The following RPS6KB1 variants were observed in gnomAD, a reference collection of about 807,000 sequenced individuals.
RPS6KB1 encodes the protein ribosomal protein S6 kinase B1, also known as ribosomal protein S6 kinase beta-1.
Under a neutral mutation model 70.2 loss-of-function variants are expected in RPS6KB1, and 12 were observed. The ratio of observed to expected loss-of-function variants is 0.17; its 90% CI spans 0.11 to 0.28. The LOEUF is 0.28. Among genes scored for constraint, RPS6KB1 ranks in the 10% least tolerant of loss-of-function variants. The pLI is 1.00. For missense variants in RPS6KB1, 270 were observed against 646.6 expected, an observed-to-expected ratio of 0.42 and a Z score of 6.32; for synonymous variants, 175 against 211.2, an observed-to-expected ratio of 0.83 and a Z score of 1.49.
intron 13 of RPS6KB1, among the ~76,000 whole-genome samples, chr17:59,944,540 T>C (rs2044806293): frequency 6.6e-6 from 1 of 151,922 alleles, no homozygotes; most frequent in Non-Finnish European, 1.5e-5. Flanking sequence ...AGCTATGTTA[T>C]CACCACTGCA....
chr17:59,944,879 A>C (rs181334309), intron 13 of RPS6KB1, among the ~76,000 whole-genome samples: 1 of 150,082 alleles, frequency 6.7e-6, no homozygotes, highest in Admixed American at 6.7e-5. Flanking sequence ...GCTCACTGCA[A>C]CCTCCACCTA....
In RPS6KB1 at chr17:59,901,306, C is replaced by T. The variant is rs1477759376; in HGVS notation, c.141+7981C>T. Among the ~76,000 whole-genome samples, 7 of 151,430 alleles carry T rather than the reference C, an allele frequency of 4.6e-5. No homozygotes were observed. The South Asian group carries it at 1.0e-3, about 22-fold the overall frequency. ...CTGGGACTACAGGTGCCCGCCACCACGCCCGGCTAATGTTTTGTATTTTTA... is the reference window on the plus strand; with the variant it reads ...CTGGGACTACAGGTGCCCGCCACCATGCCCGGCTAATGTTTTGTATTTTTA... On this transcript the variant is annotated intron_variant, in intron 1 of 14. Transcript: ENST00000225577.
At position 59,950,438 on chromosome 17, in the gene RPS6KB1, TA is replaced by T. The variant is rs2045149819; in HGVS notation, c.*3651del. 2.6e-5 allele frequency: 4 copies of T among 152,728 alleles called. No individual in the cohort carries two copies. The highest frequency in any genetic ancestry group is 2.1e-4 in the South Asian group (1 of 4,830). The allele number at this position is 152,728 out of a possible 1,614,324, so 9.5% of individuals were successfully genotyped here. On this transcript the variant is annotated 3_prime_UTR_variant, in exon 15 of 15. Coordinates refer to ENST00000225577, the MANE Select transcript of RPS6KB1 (RefSeq NM_003161.4). ...TGAATGAACATAAATAGAAGTGATTTATTTTTTTATTATCTTAAAGATAGGA... is the reference window on the plus strand; with the variant it reads ...TGAATGAACATAAATAGAAGTGATTTTTTTTTTATTATCTTAAAGATAGGA...
intron 1 of RPS6KB1, among the ~76,000 whole-genome samples, chr17:59,897,186 T>C (rs539798621): frequency 6.6e-6 from 1 of 152,346 alleles, no homozygotes; most frequent in African/African-American, 2.4e-5. Context: ...GTTTATAATG[T>C]TCCTCTTTGT....
intron 4 of RPS6KB1, among the ~76,000 whole-genome samples, chr17:59,924,738 C>T (rs1254652769): frequency 6.6e-6 from 1 of 151,786 alleles, no homozygotes; most frequent in African/African-American, 2.4e-5. Flanking sequence ...CAAAAGATAG[C>T]ATAGTATCCA....
At chr17:59,931,785 C>A in intron 7 of RPS6KB1, 63 bp downstream of exon 7, 2 of 1,179,420 alleles carry the variant, frequency 1.7e-6, no homozygotes, top group African/African-American at 1.5e-5. Flanking sequence ...CCACATAGGT[C>A]GTGGCCATTT....
intron 4 of RPS6KB1, among the ~76,000 whole-genome samples, chr17:59,916,673 T>C (rs956442166): frequency 6.6e-6 from 1 of 152,208 alleles, no homozygotes; most frequent in Admixed American, 6.5e-5. Flanking sequence ...ACAACTGTTA[T>C]GACTGGACTC....
In RPS6KB1 at chr17:59,928,156, T is replaced by TCA. The variant is rs35314641; in HGVS notation, c.529+1591_529+1592dup. On this transcript the variant is annotated intron_variant, in intron 5 of 14. Coordinates refer to ENST00000225577, the MANE Select transcript of RPS6KB1 (RefSeq NM_003161.4). ...CTGGGCAACAGAGCAAGACTCAGTC[T>TCA]CACACACACACACACACAAAATAAA... is the stretch of plus-strand genomic sequence containing the variant. Among the ~76,000 whole-genome samples the TCA allele has an allele frequency of 4.3e-4, 64 of 150,358 alleles. No homozygotes were observed. In the East Asian group the frequency reaches 4.6e-3, roughly 11 times the overall value.
chr17:59,932,251 A>C (rs1252199231), intron 7 of RPS6KB1, among the ~76,000 whole-genome samples: 1 of 151,906 alleles, frequency 6.6e-6, no homozygotes, highest in African/African-American at 2.4e-5. Flanking sequence ...AAAATACAAA[A>C]AAAAAAAAAA....
chr17:59,946,827 GGA>G lies in RPS6KB1; in HGVS notation c.*43_*44del. On this transcript the variant is annotated 3_prime_UTR_variant, in exon 15 of 15. Transcript: ENST00000225577. The surrounding 1 kb of genome is among the most constrained non-coding windows in gnomAD (Gnocchi z 4.2). The stretch of plus-strand genomic sequence containing the variant: ...TTAATGAATTTAAGGCAAAAAAGGT[GGA>G]GAGGGAGATGTGTGAGCATCCTGCA... The G allele has an allele frequency of 6.2e-7, 1 of 1,608,706 alleles. No individual in the cohort carries two copies. The highest frequency in any genetic ancestry group is 8.5e-7 in the Non-Finnish European group (1 of 1,176,286).
chr17:59,945,234 A>G (rs1310271082), intron 13 of RPS6KB1, 172 bp from the exon 14 acceptor site: 5 of 482,114 alleles, frequency 1.0e-5, no homozygotes, highest in African/African-American at 7.9e-5. Flanking sequence ...GCCTCACGAA[A>G]TGGCTGGAAA....
rs544823917 is a variant in RPS6KB1 at position 59,909,005 on chromosome 17, C to T, written c.142-1557C>T. ...GCAATGGCGCGATCTCGGCTCACTG[C>T]CATCTCTGCCTTCCAGGTTCAAGTG... On this transcript the variant is annotated intron_variant, in intron 1 of 14. Transcript: ENST00000225577. 1.0e-4 allele frequency among the ~76,000 whole-genome samples: 15 copies of T among 149,450 alleles called. No homozygotes were observed. In the East Asian group the frequency reaches 3.0e-3, roughly 29 times the overall value.
chr17:59,900,778 AGTTTTTTGTT>A (rs1018890396), intron 1 of RPS6KB1, among the ~76,000 whole-genome samples: 11 of 152,102 alleles, frequency 7.2e-5, no homozygotes, highest in African/African-American at 2.4e-4. Flanking sequence ...TCTGCTGCCA[AGTTTTTTGTT>A]GTTTTTTGTT....
At chr17:59,899,793 G>C (rs1041423975) in intron 1 of RPS6KB1, among the ~76,000 whole-genome samples, 15 of 152,164 alleles carry the variant, frequency 9.9e-5, no homozygotes, top group African/African-American at 3.4e-4. Flanking sequence ...ATGTTATCGT[G>C]ATTTGGTCAC....
Position 59,893,896 on chromosome 17 carries a change from G to GGCT in RPS6KB1, c.141+572_141+574dup, listed in dbSNP as rs2041320201. On this transcript the variant is annotated intron_variant, in intron 1 of 14. Transcript: ENST00000225577. The surrounding 1 kb of genome is among the most constrained non-coding windows in gnomAD (Gnocchi z 4.1). Reference sequence around the variant, plus strand: ...AGGAGTTTTATTTCGGGAGCAAGGGGGCTCTGCTGCATCTTCCAATCTTCC... The same window carrying GGCT: ...AGGAGTTTTATTTCGGGAGCAAGGGGGCTGCTCTGCTGCATCTTCCAATCTTCC... 1 of 985,126 alleles carries GGCT rather than the reference G, an allele frequency of 1.0e-6. No homozygotes were observed. Among genetic ancestry groups the GGCT allele is most frequent in the Non-Finnish European group, 1.2e-6 (1 of 829,940 alleles). 61.0% of individuals were successfully genotyped at this position (985,126 alleles called of 1,614,324 possible).
At chr17:59,895,189 T>G (rs2041462309) in intron 1 of RPS6KB1, among the ~76,000 whole-genome samples, 1 of 150,404 alleles carries the variant, frequency 6.6e-6, no homozygotes, top group East Asian at 1.9e-4. Flanking sequence ...CCTGGCTAAT[T>G]TTTTGTATTT....
In RPS6KB1 at chr17:59,912,695, A is replaced by T; in HGVS notation, c.203A>T (p.His68Leu). The T allele has an allele frequency of 6.2e-7, 1 of 1,613,510 alleles. No homozygotes were observed. Among genetic ancestry groups the T allele is most frequent in the Non-Finnish European group, 8.5e-7 (1 of 1,179,642 alleles). The part of the protein sequence containing the change: ...GVGPYELGME[H>L]CEKFEISETS... ...GCTTTTCTTCCCAGTGGCATGGAAC[A>T]TTGTGAGAAATTTGAAATCTCAGAA... is the stretch of plus-strand genomic sequence containing the variant. The change falls in exon 3 of 15, where the codon CAT becomes CTT. Residue 68 changes from histidine (H) to leucine (L), a missense_variant. Physicochemically the swap from His to Leu is moderately conservative, Grantham distance 99. This residue lies in a region of RPS6KB1 where 72 missense variants were observed against 93.4 expected (regional missense o/e 0.77). Transcript: ENST00000225577.
intron 1 of RPS6KB1, among the ~76,000 whole-genome samples, chr17:59,909,315 T>C (rs1337427013): frequency 8.1e-6 from 1 of 123,036 alleles, no homozygotes; most frequent in Non-Finnish European, 1.6e-5. Flanking sequence ...TTGCCCAGGC[T>C]AGAGTGCAGT....
chr17:59,946,792 A>G lies in RPS6KB1; in HGVS notation c.*4A>G, dbSNP rs764444772. On this transcript the variant is annotated 3_prime_UTR_variant, in exon 15 of 15. Coordinates refer to ENST00000225577, the MANE Select transcript of RPS6KB1 (RefSeq NM_003161.4). The surrounding 1 kb of genome is among the most constrained non-coding windows in gnomAD (Gnocchi z 4.2). ...GCACCTGCGTATGAATCTATGACAG[A>G]GCAATGCTTTTAATGAATTTAAGGC... is the stretch of plus-strand genomic sequence containing the variant. 2.5e-6 allele frequency: 4 copies of G among 1,613,316 alleles called. No homozygotes were observed. Among genetic ancestry groups the G allele is most frequent in the African/African-American group, 2.7e-5 (2 of 74,914 alleles).
Sources: gnomAD v4.1 joint callset for allele counts (sites outside exome capture counted in the v4.1 genomes callset) on GRCh38, gnomAD v4.1.1 for gene constraint, gnomAD v4.1.1 regional missense constraint, Gnocchi (gnomAD v3.1) non-coding constraint, MANE v1.5 for transcripts, NCBI Gene and HGNC (gene_info 2026-07-23, HGNC 2026-07-21) for gene names.